ABTB2: variants seen among roughly 807,000 people sequenced by gnomAD.
ABTB2 encodes the protein ankyrin repeat and BTB/POZ domain-containing protein 2.
ABTB2 carries 56 observed loss-of-function variants against 104.1 expected under a neutral mutation model. The observed-to-expected ratio is 0.54, with a 90% CI of 0.43 to 0.67. The LOEUF (loss-of-function observed/expected upper bound fraction) is 0.67. Ranked by LOEUF, ABTB2 falls within the 30% of genes least tolerant of loss-of-function variation. ABTB2 has a pLI of 0.00. For missense variants in ABTB2, 1,279 were observed against 1,407.7 expected (o/e 0.91, Z 1.46); for synonymous variants, 606 against 608.2 (o/e 1.00, Z 0.05).
intron 1 of ABTB2, among the ~76,000 whole-genome samples, chr11:34,287,432 C>G (rs1000235962): frequency 3.3e-5 from 5 of 152,172 alleles, no homozygotes; most frequent in African/African-American, 1.2e-4. Flanking sequence ...GCCTGTAGTC[C>G]CAGCTACTCA....
intron 1 of ABTB2, among the ~76,000 whole-genome samples, chr11:34,295,345 G>A (rs1299314032): frequency 6.6e-6 from 1 of 152,186 alleles, no homozygotes; most frequent in Non-Finnish European, 1.5e-5. Context: ...GGCAGGAGGA[G>A]GAACGAGTCC....
At chr11:34,189,965 G>A (rs895142983) in intron 3 of ABTB2, among the ~76,000 whole-genome samples, 51 of 152,164 alleles carry the variant, frequency 3.4e-4, no homozygotes, top group Admixed American at 1.5e-3. Context: ...TGGGCTGGCC[G>A]CAAGTGGCTC....
chr11:34,291,320 G>A (rs1854563301), intron 1 of ABTB2, among the ~76,000 whole-genome samples: 1 of 152,186 alleles, frequency 6.6e-6, no homozygotes, highest in Non-Finnish European at 1.5e-5. Flanking sequence ...GAAGGGGTCT[G>A]TAAGCACATT....
intron 3 of ABTB2, among the ~76,000 whole-genome samples, chr11:34,179,008 G>A (rs1401922528): frequency 1.3e-5 from 2 of 150,290 alleles, no homozygotes; most frequent in Non-Finnish European, 3.0e-5. Flanking sequence ...CCCAGAAGGT[G>A]GAGGTTGCAG....
chr11:34,309,771 T>C (rs554259542), intron 1 of ABTB2, among the ~76,000 whole-genome samples: 1 of 151,738 alleles, frequency 6.6e-6, no homozygotes, highest in East Asian at 1.9e-4. Flanking sequence ...ATCATTGTCA[T>C]AGGAAGAGGT....
At position 34,309,172 on chromosome 11, in the gene ABTB2, G is replaced by A. The variant is rs1343937093; in HGVS notation, c.883+47529C>T. Among the ~76,000 whole-genome samples, 3 of 152,220 alleles carry A rather than the reference G, an allele frequency of 2.0e-5. 1 individual carries two copies. Among genetic ancestry groups the A allele is most frequent in the Admixed American group, 6.5e-5 (1 of 15,280 alleles). ...GGCCTGGCAATGTGTTCACATGGAC[G>A]TGTGTTTTTTTGCCAAAGTAAGATT... On this transcript the variant is annotated intron_variant, in intron 1 of 16. Transcript: ENST00000435224.
rs1359262787 is a variant in ABTB2, at chr11:34,156,875, T to TGTAA, written c.2698-2110_2698-2107dup. Reference sequence around the variant, plus strand: ...TGTTGAAATAATATTTTGGCTATACTGTAAGTTCAAAAATATTAAAATCAA... The same window carrying TGTAA: ...TGTTGAAATAATATTTTGGCTATACTGTAAGTAAGTTCAAAAATATTAAAATCAA... On this transcript the variant is annotated intron_variant, in intron 14 of 16. Transcript: ENST00000435224. Among the ~76,000 whole-genome samples the TGTAA allele has an allele frequency of 5.9e-5, 9 of 152,350 alleles. No individual in the cohort carries two copies. The South Asian group carries it at 6.2e-4, about 11-fold the overall frequency.
intron 1 of ABTB2, among the ~76,000 whole-genome samples, chr11:34,206,486 G>T (rs1258865900): frequency 6.6e-6 from 1 of 152,220 alleles, no homozygotes; most frequent in East Asian, 1.9e-4. Flanking sequence ...ACTTGCTCAG[G>T]TAAGTGGAAG....
intron 1 of ABTB2, among the ~76,000 whole-genome samples, chr11:34,307,739 C>G (rs1014253111): frequency 2.6e-5 from 4 of 151,708 alleles, no homozygotes; most frequent in African/African-American, 9.7e-5. Flanking sequence ...CGCTCTGTCG[C>G]CCAGGCTGGA....
At position 34,169,859 on chromosome 11, in the gene ABTB2, A is replaced by AT. The variant is rs541569914; in HGVS notation, c.1563+1046_1563+1047insA. On this transcript the variant is annotated intron_variant, in intron 5 of 16. Coordinates refer to ENST00000435224, the MANE Select transcript of ABTB2 (RefSeq NM_145804.3). ...TCCTGCCCTCCCCCAGGCTCGGCTC[A>AT]ACCGCTTCCAGCAGGAAGCTTCCCC... Among the ~76,000 whole-genome samples the AT allele has an allele frequency of 2.3e-3, 353 of 152,156 alleles. 2 individuals are homozygous for AT. Among genetic ancestry groups the AT allele is most frequent in the African/African-American group, 7.7e-3 (318 of 41,522 alleles).
At position 34,171,027 on chromosome 11, in the gene ABTB2, G is replaced by A; in HGVS notation, c.1442C>T (p.Ala481Val). The A allele has an allele frequency of 6.2e-7, 1 of 1,614,196 alleles. No individual in the cohort carries two copies. Among genetic ancestry groups the A allele is most frequent in the Non-Finnish European group, 8.5e-7 (1 of 1,180,040 alleles). ...GTCCTGGTTGAATTTTTCAGTAGCT[G>A]CTCGGGCATCCAGCCTCCGGAAGGA... ...FSSFRRLDAR[A>V]ATEKFNQDLG... is the part of the protein sequence containing the mutation. Residue 481 changes from alanine (A) to valine (V), a missense_variant, in exon 5 of 17, where the codon GCA (alanine) becomes GTA (valine). Coordinates refer to ENST00000435224, the MANE Select transcript of ABTB2 (RefSeq NM_145804.3).
rs552284855 is a variant in ABTB2, at chr11:34,273,466, A to G, written c.884-68776T>C. ...AGAAGGGATACAGTGGGCTGGTTCT[A>G]CTCACTTCTCCACTGGACGAAGCCA... is the stretch of plus-strand genomic sequence containing the variant. On this transcript the variant is annotated intron_variant, in intron 1 of 16. Transcript: ENST00000435224. Among the ~76,000 whole-genome samples the G allele has an allele frequency of 7.2e-5, 11 of 152,156 alleles. No individual in the cohort carries two copies. In the South Asian group the frequency reaches 1.7e-3, roughly 23 times the overall value.
intron 1 of ABTB2, among the ~76,000 whole-genome samples, chr11:34,272,205 T>C (rs917592409): frequency 1.3e-5 from 2 of 151,612 alleles, no homozygotes; most frequent in African/African-American, 2.4e-5. Flanking sequence ...TTTATCACAG[T>C]GCTTGGCATA....
intron 1 of ABTB2, among the ~76,000 whole-genome samples, chr11:34,291,386 G>A (rs1026217108): frequency 6.6e-6 from 1 of 152,240 alleles, no homozygotes; most frequent in Non-Finnish European, 1.5e-5. Context: ...CACATGGGCT[G>A]TAAAACTGGC....
chr11:34,298,752 GCACCCAGCCTAAACCCATTACT>G (rs1854659861), intron 1 of ABTB2, among the ~76,000 whole-genome samples: 3 of 152,138 alleles, frequency 2.0e-5, no homozygotes, highest in African/African-American at 7.2e-5. Context: ...GTGAGCAACA[GCACCCAGCCTAAACCCATTACT>G]TTTAAAAGTC....
Position 34,356,800 on chromosome 11 carries a change from C to G in ABTB2, c.784G>C (p.Val262Leu). The G allele has an allele frequency of 6.2e-7, 1 of 1,607,574 alleles. No individual in the cohort carries two copies. The highest frequency in any genetic ancestry group is 8.5e-7 in the Non-Finnish European group (1 of 1,177,164). Residue 262 changes from valine (V) to leucine (L), a missense_variant, in exon 1 of 17, where the codon GTG becomes CTG. Val to Leu is a conservative substitution (Grantham distance 32). Coordinates refer to ENST00000435224, the MANE Select transcript of ABTB2 (RefSeq NM_145804.3). This position sits in a 1 kb window ranked among gnomAD's most constrained non-coding sequence, Gnocchi z 4.6. ...PDGGGAGGGE[V>L]SAEALEMVIN... Reference sequence around the variant, plus strand: ...ACCATCTCCAGGGCCTCAGCAGACACCTCCCCGCCTCCGGCCCCTCCGCCA... The same window carrying G: ...ACCATCTCCAGGGCCTCAGCAGACAGCTCCCCGCCTCCGGCCCCTCCGCCA...
intron 1 of ABTB2, among the ~76,000 whole-genome samples, chr11:34,259,407 G>A (rs1240368492): frequency 6.6e-6 from 1 of 152,194 alleles, no homozygotes; most frequent in Non-Finnish European, 1.5e-5. Flanking sequence ...AAAGTAGTTT[G>A]GGGAATAGGT....
chr11:34,331,553 AC>A (rs1315503183), intron 1 of ABTB2, among the ~76,000 whole-genome samples: 2 of 152,214 alleles, frequency 1.3e-5, no homozygotes, highest in African/African-American at 4.8e-5. Flanking sequence ...GGCCCCAAAC[AC>A]CATGACTGGC....
In ABTB2 at chr11:34,225,305, G is replaced by T. The variant is rs368875522; in HGVS notation, c.884-20615C>A. Among the ~76,000 whole-genome samples the T allele has an allele frequency of 1.1e-4, 17 of 152,290 alleles. No homozygotes were observed. The South Asian group carries it at 1.4e-3, about 13-fold the overall frequency. On this transcript the variant is annotated intron_variant, in intron 1 of 16. Coordinates refer to ENST00000435224, the MANE Select transcript of ABTB2 (RefSeq NM_145804.3). ...GGCCCTGGTCCTGGGCCAAAAGCCG[G>T]CCTGGGGAGCAAAGAATTAAACTGT...
Sources: allele counts gnomAD v4.1 joint callset (sites outside exome capture counted in the v4.1 genomes callset), GRCh38; gene constraint gnomAD v4.1.1; non-coding constraint Gnocchi (gnomAD v3.1); transcripts MANE v1.5; gene names NCBI Gene and HGNC (gene_info 2026-07-23, HGNC 2026-07-21).